STAT6: variants seen among roughly 807,000 people sequenced by gnomAD.
The protein encoded by STAT6 is STAT, interleukin4-induced.
STAT6 carries 45 observed loss-of-function variants against 106.3 expected under a neutral mutation model. The ratio of observed to expected loss-of-function variants is 0.42; its 90% CI spans 0.33 to 0.54. The LOEUF (loss-of-function observed/expected upper bound fraction) is 0.54. STAT6 is among the 20% of genes least tolerant of loss of function. STAT6 has a pLI of 0.06. For missense variants in STAT6, 797 were observed against 1,062.2 expected, an observed-to-expected ratio of 0.75 and a Z score of 3.47; for synonymous variants, 413 against 413.6, an observed-to-expected ratio of 1.00 and a Z score of 0.02.
At chr12:57,101,207 G>A (rs774527768) in intron 13 of STAT6, among the ~76,000 whole-genome samples, 14 of 151,680 alleles carry the variant, frequency 9.2e-5, no homozygotes, top group Non-Finnish European at 1.6e-4. Flanking sequence ...TCCTGCCTCA[G>A]CCTCCCGAGT....
chr12:57,108,857 C>G (rs749120176), intron 1 of STAT6, among the ~76,000 whole-genome samples: 18 of 152,160 alleles, frequency 1.2e-4, no homozygotes, highest in Non-Finnish European at 2.5e-4. Context: ...CAAAGGCATC[C>G]CTAGACAAAC....
chr12:57,098,999 A>G lies in STAT6; in HGVS notation c.1955+16T>C, dbSNP rs1246494106. ...TAAGCCCCTGACCTACCCACTGTCCATACCACCACACTCACCTTTCCACGG... is the reference window on the plus strand; with the variant it reads ...TAAGCCCCTGACCTACCCACTGTCCGTACCACCACACTCACCTTTCCACGG... On this transcript the variant is annotated intron_variant, in intron 17 of 21. Coordinates refer to ENST00000300134, the MANE Select transcript of STAT6 (RefSeq NM_003153.5). 4 of 1,614,026 alleles carry G rather than the reference A, an allele frequency of 2.5e-6. No homozygotes were observed. The highest frequency in any genetic ancestry group is 1.3e-5 in the African/African-American group (1 of 74,894).
At chr12:57,107,022 G>C in intron 4 of STAT6, among the ~76,000 whole-genome samples, 191 bp from the exon 5 acceptor site, 1 of 152,178 alleles carries the variant, frequency 6.6e-6, no homozygotes, top group East Asian at 1.9e-4. Flanking sequence ...CCCTTGCTCT[G>C]TTCTCCCCGG....
Position 57,099,230 on chromosome 12 carries a change from G to A in STAT6, c.1891+64C>T. 1 of 1,608,784 alleles carries A rather than the reference G, an allele frequency of 6.2e-7. No homozygotes were observed. The highest frequency in any genetic ancestry group is 8.5e-7 in the Non-Finnish European group (1 of 1,175,854). Reference sequence around the variant, plus strand: ...GATGACACGCGGGCAGGGAGAGGAGGGCAGCGGGGAGCAGGGAGGAAGTGG... The same window carrying A: ...GATGACACGCGGGCAGGGAGAGGAGAGCAGCGGGGAGCAGGGAGGAAGTGG... On this transcript the variant is annotated intron_variant, in intron 16 of 21. Coordinates refer to ENST00000300134, the MANE Select transcript of STAT6 (RefSeq NM_003153.5). The surrounding 1 kb of genome is among the most constrained non-coding windows in gnomAD (Gnocchi z 4.7).
rs766612063 is a variant in STAT6 at position 57,106,722 on chromosome 12, G to A, written c.449C>T (p.Ala150Val). The change falls in exon 5 of 22, where the codon GCC becomes GTC. Residue 150 changes from alanine (A) to valine (V), a missense_variant. Ala to Val is a moderately conservative substitution (Grantham distance 64). This residue lies in a region of STAT6 where 336 missense variants were observed against 429.8 expected (regional missense o/e 0.78). Coordinates refer to ENST00000300134, the MANE Select transcript of STAT6 (RefSeq NM_003153.5). The stretch of plus-strand genomic sequence containing the variant: ...GCCAGCCTCAGCCCCCTTCTGCAGG[G>A]CTTCTCGGAGAAGGTGGATCTCCCC... Reference protein sequence around the residue: ...RVGEIHLLREALQKGAEAGQV... With the variant: ...RVGEIHLLREVLQKGAEAGQV... 2.5e-6 allele frequency: 4 copies of A among 1,614,130 alleles called. No homozygotes were observed. The Admixed American group carries it at 6.7e-5, about 27-fold the overall frequency.
intron 13 of STAT6, 109 bp downstream of exon 13, chr12:57,102,181 G>C: frequency 8.3e-7 from 1 of 1,208,136 alleles, no homozygotes; most frequent in Non-Finnish European, 1.2e-6. Context: ...ACCTGAGGGG[G>C]CACTGTGGAG....
Position 57,099,047 on chromosome 12 carries a change from A to G in STAT6, c.1923T>C (p.Tyr641=), listed in dbSNP as rs759947306. Reference sequence around the variant, plus strand: ...CGGTCATCTTGATGGTAGCTGGGACATAACCCCTGCCATCCTTACCCATCT... The same window carrying G: ...CGGTCATCTTGATGGTAGCTGGGACGTAACCCCTGCCATCCTTACCCATCT... ...PEQMGKDGRG[Y]VPATIKMTVE... is the part of the protein sequence containing the mutation. Residue 641 remains tyrosine, a synonymous_variant, in exon 17 of 22, where the codon TAT becomes TAC. Transcript: ENST00000300134. This position sits in a 1 kb window ranked among gnomAD's most constrained non-coding sequence, Gnocchi z 4.7. 2.5e-6 allele frequency: 4 copies of G among 1,614,184 alleles called. No individual in the cohort carries two copies. Among genetic ancestry groups the G allele is most frequent in the East Asian group, 2.2e-5 (1 of 44,884 alleles).
rs1052117731 is a variant in STAT6, at chr12:57,105,027, A to G, written c.1001+124T>C. On this transcript the variant is annotated intron_variant, in intron 9 of 21. Transcript: ENST00000300134. ...TCCCTCCCTTTCCTCTGCCTTGACC[A>G]TTCAGGGTCTCCACATCCCATGGCC... The G allele has an allele frequency of 4.6e-6, 6 of 1,316,220 alleles. No homozygotes were observed. In the African/African-American group the frequency reaches 7.4e-5, roughly 16 times the overall value. 81.5% of individuals were successfully genotyped at this position (1,316,220 alleles called of 1,614,324 possible).
At chr12:57,100,710 G>GA (rs1279813303) in intron 13 of STAT6, 38 of 53,256 alleles carry the variant, frequency 7.1e-4, no homozygotes, top group African/African-American at 3.1e-3. Context: ...GAGAAAGAAA[G>GA]AAAGAAAGAA....
At chr12:57,105,903 C>T in intron 7 of STAT6, 1 of 638,194 alleles carries the variant, frequency 1.6e-6, no homozygotes, top group Non-Finnish European at 2.6e-6. Flanking sequence ...GGAAAGTGTT[C>T]CCACCCAATA....
intron 1 of STAT6, chr12:57,110,299 A>G (rs1186843320): frequency 1.3e-5 from 2 of 152,232 alleles, no homozygotes; most frequent in Non-Finnish European, 1.5e-5. Context: ...TGGCTTGACC[A>G]GGACAGGGGC....
At chr12:57,108,116 G>C (rs1300825075) in intron 2 of STAT6, 47 bp downstream of exon 2, 1 of 1,205,508 alleles carries the variant, frequency 8.3e-7, no homozygotes, top group Admixed American at 1.9e-5. Flanking sequence ...GAAGGAAGAT[G>C]AGTTAGGGAA....
intron 13 of STAT6, among the ~76,000 whole-genome samples, chr12:57,100,618 GAA>G (rs997673315): frequency 7.2e-6 from 1 of 138,180 alleles, no homozygotes; most frequent in African/African-American, 2.7e-5. Flanking sequence ...ACAAAAGAAA[GAA>G]AAAGAGAGAA....
rs763298931 is a variant in STAT6, at chr12:57,098,885, G to A, written c.1973C>T (p.Thr658Ile). 1.2e-6 allele frequency: 2 copies of A among 1,613,770 alleles called. No individual in the cohort carries two copies. The highest frequency in any genetic ancestry group is 1.7e-6 in the Non-Finnish European group (2 of 1,179,826). Residue 658 changes from threonine (T) to isoleucine (I), a missense_variant, in exon 18 of 22, where the codon ACC (threonine) becomes ATC (isoleucine). By Grantham distance (89) the Thr-to-Ile change is moderately conservative. Coordinates refer to ENST00000300134, the MANE Select transcript of STAT6 (RefSeq NM_003153.5). ...MTVERDQPLP[T>I]PELQMPTMVP... ...CATGGTAGGCATCTGGAGCTCTGGG[G>A]TAGGAAGTGGTTGGTCCCTGGAGGA...
intron 1 of STAT6, among the ~76,000 whole-genome samples, chr12:57,110,812 G>A (rs2034539981): frequency 6.6e-6 from 1 of 152,022 alleles, no homozygotes; most frequent in South Asian, 2.1e-4. Context: ...AGGGAGGGGC[G>A]GCCACTTCCC....
Position 57,095,959 on chromosome 12 carries a change from A to G in STAT6, c.*613T>C, listed in dbSNP as rs1299305662. 6.5e-6 allele frequency: 1 copy of G among 152,722 alleles called. No homozygotes were observed. Among genetic ancestry groups the G allele is most frequent in the Non-Finnish European group, 1.5e-5 (1 of 68,404 alleles). The allele number at this position is 152,722 out of a possible 1,614,324, so 9.5% of individuals were successfully genotyped here. The stretch of plus-strand genomic sequence containing the variant: ...TGCATAGTCTCATACACGTATCAGA[A>G]GCCTCCACCTGGCTAACAGGAATTT... On this transcript the variant is annotated 3_prime_UTR_variant, in exon 22 of 22. Coordinates refer to ENST00000300134, the MANE Select transcript of STAT6 (RefSeq NM_003153.5).
At position 57,096,426 on chromosome 12, in the gene STAT6, T is replaced by TA. The variant is rs2033429642; in HGVS notation, c.*145dup. On this transcript the variant is annotated 3_prime_UTR_variant, in exon 22 of 22. Coordinates refer to ENST00000300134, the MANE Select transcript of STAT6 (RefSeq NM_003153.5). Reference sequence around the variant, plus strand: ...CTCCACCCACTGTGCATTCTCCTGTTAGTCTTTTCCTCCTGACCCAGGAGT... The same window carrying TA: ...CTCCACCCACTGTGCATTCTCCTGTTAAGTCTTTTCCTCCTGACCCAGGAGT... 2 of 725,096 alleles carry TA rather than the reference T, an allele frequency of 2.8e-6. No homozygotes were observed. Among genetic ancestry groups the TA allele is most frequent in the Non-Finnish European group, 4.6e-6 (2 of 433,188 alleles). The allele number at this position is 725,096 out of a possible 1,614,324, so 44.9% of individuals were successfully genotyped here.
At position 57,104,781 on chromosome 12, in the gene STAT6, A is replaced by G; in HGVS notation, c.1034T>C (p.Val345Ala). ...ESTGEIINNT[V>A]PLENSIPGNC... ...CCCAGGAATGCTGTTCTCCAAGGGC[A>G]CAGTGTTGTTGATGATTTCTCCAGT... Residue 345 changes from valine to alanine, a missense_variant, in exon 10 of 22, where the codon GTG becomes GCG. Val to Ala is a moderately conservative substitution (Grantham distance 64). Transcript: ENST00000300134. The G allele has an allele frequency of 6.2e-7, 1 of 1,614,162 alleles. No individual in the cohort carries two copies.
chr12:57,099,298 G>A lies in STAT6; in HGVS notation c.1887C>T (p.Tyr629=), dbSNP rs1341981353. 1.2e-6 allele frequency: 2 copies of A among 1,614,076 alleles called. No individual in the cohort carries two copies. Among genetic ancestry groups the A allele is most frequent in the Non-Finnish European group, 8.5e-7 (1 of 1,180,046 alleles). Reference sequence around the variant, plus strand: ...GAGCTGCCAGTTCCAGCTCACGCTTGTAGTGGCTCCGGAAAGCCTCATCCT... The same window carrying A: ...GAGCTGCCAGTTCCAGCTCACGCTTATAGTGGCTCCGGAAAGCCTCATCCT... The part of the protein sequence containing the change: ...KPKDEAFRSH[Y]KPEQMGKDGR... The change falls in exon 16 of 22, where the codon TAC becomes TAT. Residue 629 remains tyrosine, a synonymous_variant. Coordinates refer to ENST00000300134, the MANE Select transcript of STAT6 (RefSeq NM_003153.5). The surrounding 1 kb of genome is among the most constrained non-coding windows in gnomAD (Gnocchi z 4.7).
Sources: gnomAD v4.1 joint callset for allele counts (sites outside exome capture counted in the v4.1 genomes callset) on GRCh38, gnomAD v4.1.1 for gene constraint, gnomAD v4.1.1 regional missense constraint, Gnocchi (gnomAD v3.1) non-coding constraint, MANE v1.5 for transcripts, NCBI Gene and HGNC (gene_info 2026-07-23, HGNC 2026-07-21) for gene names.